Variants in GMEB1 observed in about 807,000 individuals in gnomAD.
The protein encoded by GMEB1 is glucocorticoid modulatory element-binding protein 1.
Under a neutral mutation model 52.4 loss-of-function variants are expected in GMEB1, and 6 were observed. The ratio of observed to expected loss-of-function variants is 0.11; its 90% CI spans 0.06 to 0.23. GMEB1 has a LOEUF of 0.23. GMEB1 is among the 10% of genes least tolerant of loss of function. The pLI is 1.00. For missense variants in GMEB1, 486 were observed against 685.6 expected, an observed-to-expected ratio of 0.71 and a Z score of 3.25; for synonymous variants, 255 against 244.9, an observed-to-expected ratio of 1.04 and a Z score of -0.38.
At chr1:28,706,016 C>T (rs187475288) in intron 8 of GMEB1, among the ~76,000 whole-genome samples, 138 of 151,550 alleles carry the variant, frequency 9.1e-4, no homozygotes, top group African/African-American at 3.1e-3. Context: ...TAGCCGGGCG[C>T]GGTGGCGGAC....
intron 8 of GMEB1, among the ~76,000 whole-genome samples, chr1:28,706,986 T>G (rs894128231): frequency 1.9e-3 from 246 of 131,300 alleles, no homozygotes; most frequent in Non-Finnish European, 3.4e-3. Context: ...GGTTTTTTTT[T>G]TTTTTTTTTT....
At chr1:28,709,518 A>G (rs1432272449) in intron 8 of GMEB1, among the ~76,000 whole-genome samples, 1 of 152,144 alleles carries the variant, frequency 6.6e-6, no homozygotes, top group Non-Finnish European at 1.5e-5. Context: ...TCTATCTAGT[A>G]CAGGGACCAT....
chr1:28,683,744 A>G lies in GMEB1; in HGVS notation c.128+4A>G. On this transcript the variant is annotated splice_donor_region_variant and intron_variant, in intron 2 of 9. Coordinates refer to ENST00000373816, the MANE Select transcript of GMEB1 (RefSeq NM_001319674.2). ...AGTTACAGCCTGTGCAACAAGGGTA[A>G]GTGGCTAGAGATTTGGGTATTCTGA... is the stretch of plus-strand genomic sequence containing the variant. The G allele has an allele frequency of 6.2e-7, 1 of 1,612,616 alleles. No homozygotes were observed. Among genetic ancestry groups the G allele is most frequent in the Non-Finnish European group, 8.5e-7 (1 of 1,179,488 alleles).
At chr1:28,673,780 G>A (rs1220989809) in intron 1 of GMEB1, among the ~76,000 whole-genome samples, 5 of 152,070 alleles carry the variant, frequency 3.3e-5, no homozygotes, top group African/African-American at 1.2e-4. Flanking sequence ...TTGGGAGGCC[G>A]AGGTGAGAGG....
rs544728720 is a variant in GMEB1 at position 28,690,121 on chromosome 1, C to T, written c.146C>T (p.Ser49Leu). Residue 49 changes from serine (S) to leucine (L), a missense_variant, in exon 3 of 10, where the codon TCG becomes TTG. Ser to Leu is a moderately radical substitution (Grantham distance 145). This residue lies in a region of GMEB1 where 88 missense variants were observed against 96.5 expected (regional missense o/e 0.91). Transcript: ENST00000373816. ...TACAACAGGATTTATGAAGCTGGGTCGGAGAACAACACGGCAGTTGTAGCA... is the reference window on the plus strand; with the variant it reads ...TACAACAGGATTTATGAAGCTGGGTTGGAGAACAACACGGCAGTTGTAGCA... ...PVQQGIYEAG[S>L]ENNTAVVAVE... is the part of the protein sequence containing the mutation. The T allele has an allele frequency of 1.6e-5, 25 of 1,602,230 alleles. No homozygotes were observed. Among genetic ancestry groups the T allele is most frequent in the African/African-American group, 2.7e-5 (2 of 74,064 alleles).
chr1:28,690,910 G>A (rs1557507473), intron 3 of GMEB1, among the ~76,000 whole-genome samples: 1 of 152,060 alleles, frequency 6.6e-6, no homozygotes, highest in South Asian at 2.1e-4. Flanking sequence ...AACCCGGGAG[G>A]TGGAGGTTGC....
chr1:28,699,158 C>T (rs1342234533), intron 6 of GMEB1, among the ~76,000 whole-genome samples: 1 of 152,082 alleles, frequency 6.6e-6, no homozygotes, highest in South Asian at 2.1e-4. Context: ...GGAGGGGCTC[C>T]TGATTACCAA....
At chr1:28,708,046 A>G (rs943122626) in intron 8 of GMEB1, among the ~76,000 whole-genome samples, 3 of 151,838 alleles carry the variant, frequency 2.0e-5, no homozygotes, top group Admixed American at 6.6e-5. Context: ...CTACAGGCAC[A>G]TACCACCACA....
intron 1 of GMEB1, among the ~76,000 whole-genome samples, chr1:28,677,232 A>C (rs1669190362): frequency 6.6e-6 from 1 of 152,096 alleles, no homozygotes; most frequent in South Asian, 2.1e-4. Flanking sequence ...AGCATTTCAA[A>C]TAAGGGATGC....
rs878890649 is a variant in GMEB1 at position 28,690,203 on chromosome 1, G to GT, written c.211+38dup. On this transcript the variant is annotated intron_variant, in intron 3 of 9. Coordinates refer to ENST00000373816, the MANE Select transcript of GMEB1 (RefSeq NM_001319674.2). ...AAGGGATTGGTAAGGGTTTTTTTGT[G>GT]TTTTTTTTTTTTTTTTTTTTTGTCA... 105,165 of 508,280 alleles carry GT rather than the reference G, an allele frequency of 0.21. 9,136 individuals carry two copies. The highest frequency in any genetic ancestry group is 0.46 in the African/African-American group (15,921 of 34,452). The allele number at this position is 508,280 out of a possible 1,614,324, so 31.5% of individuals were successfully genotyped here.
intron 8 of GMEB1, among the ~76,000 whole-genome samples, chr1:28,709,517 T>C (rs1463583429): frequency 1.3e-5 from 2 of 152,010 alleles, no homozygotes; most frequent in East Asian, 3.9e-4. Flanking sequence ...CTCTATCTAG[T>C]ACAGGGACCA....
At position 28,704,247 on chromosome 1, in the gene GMEB1, T is replaced by G. The variant is rs1290821401; in HGVS notation, c.786T>G (p.Val262=). Residue 262 remains valine (V), a synonymous_variant, in exon 8 of 10, where the codon GTT becomes GTG. Coordinates refer to ENST00000373816, the MANE Select transcript of GMEB1 (RefSeq NM_001319674.2). ...CTGATGTAGGGCTGATGGAAGAGGT[T>G]GTCTGCAATATACAGAAGGAAATAG... ...GIADVGLMEE[V]VCNIQKEIEE... The G allele has an allele frequency of 3.7e-6, 6 of 1,613,716 alleles. No individual in the cohort carries two copies. The South Asian group carries it at 5.5e-5, about 15-fold the overall frequency.
chr1:28,681,005 T>C (rs1372589031), intron 1 of GMEB1, among the ~76,000 whole-genome samples: 1 of 152,038 alleles, frequency 6.6e-6, no homozygotes, highest in Non-Finnish European at 1.5e-5. Context: ...GATTGTGCCA[T>C]TGTACTCCAG....
In GMEB1 at chr1:28,714,134, G is replaced by A. The variant is rs1280360126; in HGVS notation, c.1053G>A (p.Gln351=). The part of the protein sequence containing the change: ...KQGQDHRLKS[Q]TVQNVVLMPV... The stretch of plus-strand genomic sequence containing the variant: ...GCCAGGATCACAGGCTGAAATCTCA[G>A]ACAGTTCAAAATGTGGTACTGATGC... Residue 351 remains glutamine, a synonymous_variant, in exon 10 of 10, where the codon CAG becomes CAA. Transcript: ENST00000373816. 4 of 1,614,140 alleles carry A rather than the reference G, an allele frequency of 2.5e-6. No homozygotes were observed. The highest frequency in any genetic ancestry group is 3.4e-6 in the Non-Finnish European group (4 of 1,180,008).
At chr1:28,699,161 A>T (rs896844899) in intron 6 of GMEB1, among the ~76,000 whole-genome samples, 1 of 152,086 alleles carries the variant, frequency 6.6e-6, no homozygotes, top group African/African-American at 2.4e-5. Flanking sequence ...GGGGCTCCTG[A>T]TTACCAAGTT....
intron 2 of GMEB1, among the ~76,000 whole-genome samples, chr1:28,686,020 C>T (rs1392410279): frequency 6.6e-6 from 1 of 152,062 alleles, no homozygotes; most frequent in Non-Finnish European, 1.5e-5. Context: ...CTCCTACTTG[C>T]CACCGTTAAG....
chr1:28,684,956 C>T (rs562224433), intron 2 of GMEB1, among the ~76,000 whole-genome samples: 2 of 152,248 alleles, frequency 1.3e-5, no homozygotes, highest in East Asian at 3.9e-4. Context: ...CTTCAGAGTT[C>T]AAATGTTGAC....
At chr1:28,669,854 G>A (rs148126950) in intron 1 of GMEB1, among the ~76,000 whole-genome samples, 271 of 152,240 alleles carry the variant, frequency 1.8e-3, no homozygotes, top group Non-Finnish European at 2.9e-3. Context: ...TCTAATTGAG[G>A]GGCAGGAGAG....
chr1:28,670,664 G>A (rs534254492), intron 1 of GMEB1, among the ~76,000 whole-genome samples: 1 of 151,806 alleles, frequency 6.6e-6, no homozygotes, highest in Admixed American at 6.6e-5. Flanking sequence ...TAGTAGAGAC[G>A]GGGTTTCACC....
Sources: allele counts gnomAD v4.1 joint callset (sites outside exome capture counted in the v4.1 genomes callset), GRCh38; gene constraint gnomAD v4.1.1; regional missense constraint gnomAD v4.1.1; transcripts MANE v1.5; gene names NCBI Gene and HGNC (gene_info 2026-07-23, HGNC 2026-07-21).